CDH6: variants seen among roughly 807,000 people sequenced by gnomAD.
The protein encoded by CDH6 is cadherin 6, also known as cadherin-6.
In CDH6, 31 loss-of-function variants were observed where a neutral mutation model predicts 78.0. The ratio of observed to expected loss-of-function variants is 0.40; its 90% CI spans 0.30 to 0.54. The LOEUF (loss-of-function observed/expected upper bound fraction) is 0.54. Among genes scored for constraint, CDH6 ranks in the 20% least tolerant of loss-of-function variants. The pLI, the probability that CDH6 is intolerant of heterozygous loss-of-function variation, is 0.56. For synonymous variants in CDH6, 376 were observed against 368.8 expected (o/e 1.02, Z -0.23); for missense variants, 724 against 975.9 (o/e 0.74, Z 3.44).
intron 5 of CDH6, among the ~76,000 whole-genome samples, chr5:31,300,830 A>G (rs2149950877): frequency 6.6e-6 from 1 of 152,288 alleles, no homozygotes; most frequent in Non-Finnish European, 1.5e-5. Flanking sequence ...AACACTAGAG[A>G]ATACTTAACC....
intron 1 of CDH6, among the ~76,000 whole-genome samples, chr5:31,254,013 T>C (rs1404338417): frequency 6.6e-6 from 1 of 152,182 alleles, no homozygotes; most frequent in Admixed American, 6.5e-5. Context: ...ATTCCAGAAA[T>C]AAATAATTCA....
At chr5:31,301,119 T>TC (rs922924153) in intron 5 of CDH6, among the ~76,000 whole-genome samples, 63 of 152,110 alleles carry the variant, frequency 4.1e-4, no homozygotes, top group African/African-American at 1.5e-3. Context: ...GGAAATCCTG[T>TC]CCAAAAAAAA....
intron 1 of CDH6, among the ~76,000 whole-genome samples, chr5:31,228,320 G>C (rs1396877912): frequency 6.6e-6 from 1 of 152,188 alleles, no homozygotes; most frequent in Non-Finnish European, 1.5e-5. Context: ...TAATAACATA[G>C]TTCTGTGGAT....
chr5:31,197,098 A>G (rs1241458911), intron 1 of CDH6, among the ~76,000 whole-genome samples: 3 of 152,188 alleles, frequency 2.0e-5, no homozygotes. Context: ...TCAAATAAAT[A>G]TATGTTGAAC....
At chr5:31,302,848 G>C (rs1242875581) in intron 6 of CDH6, among the ~76,000 whole-genome samples, 1 of 131,524 alleles carries the variant, frequency 7.6e-6, no homozygotes. Context: ...AAGAAAGAAA[G>C]AAAGAGAAAG....
At chr5:31,218,155 T>C (rs1335207231) in intron 1 of CDH6, among the ~76,000 whole-genome samples, 1 of 152,186 alleles carries the variant, frequency 6.6e-6, no homozygotes, top group African/African-American at 2.4e-5. Flanking sequence ...ATACTTGCAA[T>C]ATGTTCTTGC....
At chr5:31,234,701 C>G (rs774797141) in intron 1 of CDH6, among the ~76,000 whole-genome samples, 1 of 152,172 alleles carries the variant, frequency 6.6e-6, no homozygotes, top group Non-Finnish European at 1.5e-5. Context: ...ATAGACCTTT[C>G]TTCTTTTCTA....
At position 31,294,751 on chromosome 5, in the gene CDH6, TTA is replaced by T. The variant is rs1737538259; in HGVS notation, c.523+497_523+498del. Among the ~76,000 whole-genome samples the T allele has an allele frequency of 1.3e-5, 2 of 152,212 alleles. No individual in the cohort carries two copies. The highest frequency in any genetic ancestry group is 4.1e-4 in the South Asian group (2 of 4,832). ...TTTTAATCCATAAACAATAGGCACG[TTA>T]TGTCTAGGGAGTGGATCCTTTACTA... is the stretch of plus-strand genomic sequence containing the variant. On this transcript the variant is annotated intron_variant, in intron 3 of 11. Transcript: ENST00000265071. The surrounding 1 kb of genome is among the most constrained non-coding windows in gnomAD (Gnocchi z 4.1).
In CDH6 at chr5:31,265,391, A is replaced by T. The variant is rs111797254; in HGVS notation, c.-128-1955A>T. ...ACTAATTTACTTACCTGTGGAATAT[A>T]CAACTTCCCCAGCCTGCTGTCAAGA... On this transcript the variant is annotated intron_variant, in intron 1 of 11. Transcript: ENST00000265071. Among the ~76,000 whole-genome samples, 572 of 152,322 alleles carry T rather than the reference A, an allele frequency of 3.8e-3. 5 individuals carry two copies. The highest frequency in any genetic ancestry group is 0.013 in the African/African-American group (523 of 41,570).
At chr5:31,293,888 C>A in intron 2 of CDH6, 74 bp from the exon 3 acceptor site, 2 of 975,264 alleles carry the variant, frequency 2.1e-6, no homozygotes, top group Non-Finnish European at 3.0e-6. Flanking sequence ...ATGTAGCATG[C>A]ACCAAAAAGA....
intron 1 of CDH6, among the ~76,000 whole-genome samples, chr5:31,244,741 TAGAA>T (rs2149921145): frequency 6.6e-6 from 1 of 152,212 alleles, no homozygotes; most frequent in African/African-American, 2.4e-5. Flanking sequence ...GTGGCCTGAA[TAGAA>T]AGAGTCTTGA....
intron 1 of CDH6, among the ~76,000 whole-genome samples, chr5:31,263,255 TCTTC>T (rs551447638): frequency 0.025 from 3,648 of 143,090 alleles, 166 homozygotes; most frequent in African/African-American, 0.089. Context: ...TTCAGGTCTC[TCTTC>T]TTTTTTTTTT....
In CDH6 at chr5:31,317,654, C is replaced by T. The variant is rs1249985490; in HGVS notation, c.1631-19C>T. On this transcript the variant is annotated intron_variant, in intron 10 of 11. Transcript: ENST00000265071. ...ACGCAGTATCCACATACATTCACCA[C>T]TTTGCTTTCCGGTTCCAGACAACAC... 13 of 1,601,926 alleles carry T rather than the reference C, an allele frequency of 8.1e-6. No homozygotes were observed. Among genetic ancestry groups the T allele is most frequent in the African/African-American group, 2.7e-5 (2 of 74,770 alleles).
At chr5:31,289,316 G>A (rs1317925074) in intron 2 of CDH6, among the ~76,000 whole-genome samples, 4 of 152,130 alleles carry the variant, frequency 2.6e-5, no homozygotes, top group African/African-American at 9.7e-5. Flanking sequence ...CTTTTTTACA[G>A]CTTTGTAGTA....
In CDH6 at chr5:31,328,603, A is replaced by T. The variant is rs923441145; in HGVS notation, c.*5295A>T. 7.3e-5 allele frequency: 15 copies of T among 205,342 alleles called. No homozygotes were observed. Among genetic ancestry groups the T allele is most frequent in the African/African-American group, 3.2e-4 (14 of 43,778 alleles). 12.7% of individuals were successfully genotyped at this position (205,342 alleles called of 1,614,324 possible). On this transcript the variant is annotated 3_prime_UTR_variant, in exon 12 of 12. Coordinates refer to ENST00000265071, the MANE Select transcript of CDH6 (RefSeq NM_004932.4). The stretch of plus-strand genomic sequence containing the variant: ...GCTATGTGCGTCTTCAGTAGTTCCA[A>T]GCTAAAGCAATTTGGCATTCTCCCA...
At chr5:31,274,821 A>G (rs576425105) in intron 2 of CDH6, among the ~76,000 whole-genome samples, 7 of 152,094 alleles carry the variant, frequency 4.6e-5, no homozygotes, top group African/African-American at 1.7e-4. Flanking sequence ...ACTCTGTCTC[A>G]AATAAATAAA....
At chr5:31,322,226 T>A (rs1011443062) in intron 11 of CDH6, among the ~76,000 whole-genome samples, 2 of 152,220 alleles carry the variant, frequency 1.3e-5, no homozygotes, top group Admixed American at 1.3e-4. Flanking sequence ...CTGAATTATA[T>A]CTGGGTCTCT....
chr5:31,195,016 C>T (rs1423966629), intron 1 of CDH6, among the ~76,000 whole-genome samples: 1 of 151,468 alleles, frequency 6.6e-6, no homozygotes, highest in Non-Finnish European at 1.5e-5. Context: ...AACTATGACT[C>T]AGAACATTCA....
At chr5:31,269,322 T>G (rs1253490538) in intron 2 of CDH6, among the ~76,000 whole-genome samples, 1 of 150,404 alleles carries the variant, frequency 6.6e-6, no homozygotes, top group Non-Finnish European at 1.5e-5. Context: ...GAAACAGCAG[T>G]GGCTAAAACC....
Sources: allele counts gnomAD v4.1 joint callset (sites outside exome capture counted in the v4.1 genomes callset), GRCh38; gene constraint gnomAD v4.1.1; non-coding constraint Gnocchi (gnomAD v3.1); transcripts MANE v1.5; gene names NCBI Gene and HGNC (gene_info 2026-07-23, HGNC 2026-07-21).